The following RAF1 variants were observed in gnomAD, a reference collection of about 807,000 sequenced individuals.
The protein encoded by RAF1 is RAF proto-oncogene serine/threonine-protein kinase.
In RAF1, 27 loss-of-function variants were observed where a neutral mutation model predicts 81.1. The ratio of observed to expected loss-of-function variants is 0.33; its 90% CI spans 0.25 to 0.46. RAF1 has a LOEUF of 0.46. Ranked by LOEUF, RAF1 falls within the 20% of genes least tolerant of loss-of-function variation. The pLI, the probability that RAF1 is intolerant of heterozygous loss-of-function variation, is 1.00. For synonymous variants in RAF1, 298 were observed against 294.0 expected, an observed-to-expected ratio of 1.01 and a Z score of -0.14; for missense variants, 598 against 826.0, an observed-to-expected ratio of 0.72 and a Z score of 3.38.
chr3:12,593,804 T>TG (rs1416122591), intron 11 of RAF1, among the ~76,000 whole-genome samples: 3 of 138,626 alleles, frequency 2.2e-5, no homozygotes, highest in Non-Finnish European at 5.0e-5. Context: ...TTTTTTTTTT[T>TG]TCTTTTTTAG....
chr3:12,658,300 A>T (rs947333920), intron 1 of RAF1, among the ~76,000 whole-genome samples: 1 of 152,216 alleles, frequency 6.6e-6, no homozygotes, highest in African/African-American at 2.4e-5. Context: ...TAAGAACATA[A>T]TATCATAAAA....
At position 12,639,013 on chromosome 3, in the gene RAF1, C is replaced by T. The variant is rs376713685; in HGVS notation, c.-26-20266G>A. On this transcript the variant is annotated intron_variant, in intron 1 of 17. Transcript: ENST00000442415. ...CCCAGGGATGAAGCCAACTTGATCACGGTGGATAAGCTTTTGATGTGCTGC... is the reference window on the plus strand; with the variant it reads ...CCCAGGGATGAAGCCAACTTGATCATGGTGGATAAGCTTTTGATGTGCTGC... Among the ~76,000 whole-genome samples the T allele has an allele frequency of 1.2e-3, 15 of 12,992 alleles. No individual in the cohort carries two copies. The South Asian group carries it at 0.022, about 19-fold the overall frequency. The allele number at this position is 12,992 out of a possible 152,430, so 8.5% of individuals were successfully genotyped here.
intron 1 of RAF1, among the ~76,000 whole-genome samples, chr3:12,631,853 C>T (rs2125499292): frequency 6.6e-6 from 1 of 152,290 alleles, no homozygotes; most frequent in East Asian, 1.9e-4. Flanking sequence ...AGCTGAGCTA[C>T]ATCTCTGCAG....
intron 8 of RAF1, among the ~76,000 whole-genome samples, chr3:12,602,950 A>G (rs1398670895): frequency 6.6e-6 from 1 of 152,246 alleles, no homozygotes; most frequent in African/African-American, 2.4e-5. Flanking sequence ...CTAATGTATA[A>G]ACAGAATACC....
chr3:12,640,691 G>A (rs577559863), intron 1 of RAF1, among the ~76,000 whole-genome samples: 49 of 151,896 alleles, frequency 3.2e-4, no homozygotes, highest in African/African-American at 1.0e-3. Flanking sequence ...TTAGAATGAC[G>A]ATCATTAAAA....
rs59472802 is a variant in RAF1, at chr3:12,598,725, C to CAAAAAAAAAAAAAAAAAAAA, written c.1168+946_1168+965dup. 4.4e-4 allele frequency among the ~76,000 whole-genome samples: 27 copies of CAAAAAAAAAAAAAAAAAAAA among 61,992 alleles called. 2 individuals carry two copies. The highest frequency in any genetic ancestry group is 7.9e-4 in the Admixed American group (4 of 5,072). The allele number at this position is 61,992 out of a possible 152,430, so 40.7% of individuals were successfully genotyped here. A position where few individuals can be genotyped will look rare whatever the true frequency, so the allele number is the denominator to read the frequency against. On this transcript the variant is annotated intron_variant, in intron 11 of 17. Transcript: ENST00000442415. ...TGGGCAACAGAGCAAGAATCTATCT[C>CAAAAAAAAAAAAAAAAAAAA]AAAAAAAAAAAAAAAAAAAAAAAAA...
intron 3 of RAF1, among the ~76,000 whole-genome samples, chr3:12,611,205 G>GTTTTTGTT (rs1553615204): frequency 2.0e-5 from 3 of 151,866 alleles, no homozygotes; most frequent in African/African-American, 7.3e-5. Flanking sequence ...ACATGTGTTT[G>GTTTTTGTT]TTTTTGTTTT....
At position 12,617,615 on chromosome 3, in the gene RAF1, G is replaced by A. The variant is rs139301022; in HGVS notation, c.207+900C>T. ...AAGTTTTGTTATCAGGCTGGGCGTG[G>A]TGTCTCATGTTGGTAATCCCAGCAG... On this transcript the variant is annotated intron_variant, in intron 2 of 17. Transcript: ENST00000442415. 9.8e-3 allele frequency among the ~76,000 whole-genome samples: 1,485 copies of A among 152,184 alleles called. 11 individuals are homozygous for A. The highest frequency in any genetic ancestry group is 0.015 in the Non-Finnish European group (1,033 of 67,996).
intron 1 of RAF1, among the ~76,000 whole-genome samples, chr3:12,642,264 C>A (rs1330786350): frequency 6.6e-6 from 1 of 150,502 alleles, no homozygotes; most frequent in Non-Finnish European, 1.5e-5. Flanking sequence ...TCCTGGCTAA[C>A]ACGGTGAAAC....
chr3:12,597,404 G>A (rs957532252), intron 11 of RAF1, among the ~76,000 whole-genome samples: 1 of 152,056 alleles, frequency 6.6e-6, no homozygotes, highest in South Asian at 2.1e-4. Flanking sequence ...AATTAAACTT[G>A]GGTACAACTT....
At chr3:12,662,287 G>A (rs2060902098) in intron 1 of RAF1, among the ~76,000 whole-genome samples, 2 of 135,584 alleles carry the variant, frequency 1.5e-5, no homozygotes, top group South Asian at 4.5e-4. Context: ...ACCGAGCTAT[G>A]ATCATGCCAC....
intron 1 of RAF1, among the ~76,000 whole-genome samples, chr3:12,625,352 G>T (rs1457854615): frequency 6.6e-6 from 1 of 152,026 alleles, no homozygotes; most frequent in Non-Finnish European, 1.5e-5. Flanking sequence ...CAAAGTGCTG[G>T]GATTACAGCC....
intron 1 of RAF1, among the ~76,000 whole-genome samples, chr3:12,627,425 A>G (rs955380347): frequency 2.6e-5 from 4 of 152,206 alleles, no homozygotes; most frequent in Non-Finnish European, 5.9e-5. Context: ...TTTGGCTACT[A>G]TTCCGTTAAA....
chr3:12,597,952 A>G (rs539267950), intron 11 of RAF1, among the ~76,000 whole-genome samples: 1 of 148,174 alleles, frequency 6.7e-6, no homozygotes, highest in African/African-American at 2.5e-5. Flanking sequence ...CAACAGTATC[A>G]TTTCTCTGGG....
intron 14 of RAF1, among the ~76,000 whole-genome samples, chr3:12,586,656 T>C (rs866211923): frequency 5.9e-5 from 9 of 152,298 alleles, no homozygotes; most frequent in African/African-American, 2.2e-4. Context: ...TGGGTTGTAA[T>C]GCCATCTTTC....
At position 12,590,833 on chromosome 3, in the gene RAF1, T is replaced by A; in HGVS notation, c.1395A>T (p.Leu465=). 1 of 1,613,974 alleles carries A rather than the reference T, an allele frequency of 6.2e-7. No homozygotes were observed. The highest frequency in any genetic ancestry group is 8.5e-7 in the Non-Finnish European group (1 of 1,179,930). The change falls in exon 13 of 18, where the codon CTA becomes CTT. Residue 465 remains leucine (L), a synonymous_variant. Transcript: ENST00000442415. ...GAGCCGTCTGCCGGGCAATGTCAATTAGCTGGAACATCTGAAACTTGGTCT... is the reference window on the plus strand; with the variant it reads ...GAGCCGTCTGCCGGGCAATGTCAATAAGCTGGAACATCTGAAACTTGGTCT...
At chr3:12,627,812 A>G (rs1257854312) in intron 1 of RAF1, among the ~76,000 whole-genome samples, 2 of 152,218 alleles carry the variant, frequency 1.3e-5, no homozygotes, top group Non-Finnish European at 2.9e-5. Flanking sequence ...CCCTATGTGA[A>G]TATTTCTTTT....
chr3:12,650,014 T>C (rs1430972380), intron 1 of RAF1, among the ~76,000 whole-genome samples: 1 of 151,180 alleles, frequency 6.6e-6, no homozygotes, highest in Admixed American at 6.6e-5. Context: ...GGTGTGGTGA[T>C]GGGCGCCTGT....
Position 12,603,471 on chromosome 3 carries a change from T to C in RAF1, c.894+7A>G, listed in dbSNP as rs1424214084. 2 of 696,528 alleles carry C rather than the reference T, an allele frequency of 2.9e-6. No homozygotes were observed. The highest frequency in any genetic ancestry group is 3.0e-5 in the South Asian group (2 of 66,694). The allele number at this position is 696,528 out of a possible 1,614,324, so 43.1% of individuals were successfully genotyped here. The stretch of plus-strand genomic sequence containing the variant: ...AAGAAAGCAAAGGCATGAAGAAAAA[T>C]ACCTACTCTTCCCCTCAAACAAAAT... On this transcript the variant is annotated splice_region_variant and intron_variant, in intron 8 of 17. Transcript: ENST00000442415.
Sources: allele counts gnomAD v4.1 joint callset (sites outside exome capture counted in the v4.1 genomes callset), GRCh38; gene constraint gnomAD v4.1.1; transcripts MANE v1.5; gene names NCBI Gene and HGNC (gene_info 2026-07-23, HGNC 2026-07-21).